The following SLC7A14 variants were observed in gnomAD, a reference collection of about 807,000 sequenced individuals.
The protein encoded by SLC7A14 is solute carrier family 7 member 14, also known as gamma-aminobutyric acid transporter SLC7A14.
A neutral mutation model predicts 60.2 loss-of-function variants in SLC7A14; 37 were observed. The observed-to-expected ratio is 0.61, with a 90% CI of 0.47 to 0.81. The LOEUF (loss-of-function observed/expected upper bound fraction) is 0.81, where lower values mean the gene tolerates loss of function less well. Among genes scored for constraint, SLC7A14 ranks in the 30% least tolerant of loss-of-function variants. SLC7A14 has a pLI of 0.00. For missense variants in SLC7A14, 886 were observed against 982.7 expected, an observed-to-expected ratio of 0.90 and a Z score of 1.32; for synonymous variants, 399 against 395.8, an observed-to-expected ratio of 1.01 and a Z score of -0.10.
rs1348025145 is a variant in SLC7A14, at chr3:170,483,444, G to C, written c.985C>G (p.His329Asp). ...ACGAATTTGGCAGCATAGAACCCAT[G>C]AGCCACAAACATCTCCATGAGTGGG... is the stretch of plus-strand genomic sequence containing the variant. The part of the protein sequence containing the change: ...ESPLMEMFVA[H>D]GFYAAKFVVA... The change falls in exon 6 of 8, where the codon CAT (histidine) becomes GAT (aspartate). Residue 329 changes from histidine (H) to aspartate (D), a missense_variant. Physicochemically the swap from His to Asp is moderately conservative, Grantham distance 81. Transcript: ENST00000231706. 1.2e-5 allele frequency: 19 copies of C among 1,614,100 alleles called. No individual in the cohort carries two copies. The highest frequency in any genetic ancestry group is 1.6e-5 in the Non-Finnish European group (19 of 1,180,058).
At chr3:170,547,244 T>C (rs1038398918) in intron 1 of SLC7A14, among the ~76,000 whole-genome samples, 15 of 152,230 alleles carry the variant, frequency 9.9e-5, no homozygotes, top group African/African-American at 3.4e-4. Context: ...GGTTTTGTTT[T>C]CTTTTATGAA....
At chr3:170,547,671 A>G (rs1043631199) in intron 1 of SLC7A14, among the ~76,000 whole-genome samples, 1 of 152,188 alleles carries the variant, frequency 6.6e-6, no homozygotes, top group Non-Finnish European at 1.5e-5. Flanking sequence ...TCTCAGGGGT[A>G]GCAAAGGTGG....
chr3:170,478,044 T>C (rs1325529893), intron 7 of SLC7A14, among the ~76,000 whole-genome samples: 1 of 152,226 alleles, frequency 6.6e-6, no homozygotes, highest in Non-Finnish European at 1.5e-5. Context: ...AGATAAGAGA[T>C]TGTATTTTTT....
chr3:170,466,870 G>T lies in SLC7A14; in HGVS notation c.*185C>A, dbSNP rs568317003. 2 of 572,844 alleles carry T rather than the reference G, an allele frequency of 3.5e-6. No homozygotes were observed. Among genetic ancestry groups the T allele is most frequent in the East Asian group, 5.8e-5 (2 of 34,300 alleles). 35.5% of individuals were successfully genotyped at this position (572,844 alleles called of 1,614,324 possible). ...ACAAGGCGACCAGTTAGGGGACCCA[G>T]GTTAAGCCCTTCAACAGAACTATCC... On this transcript the variant is annotated 3_prime_UTR_variant, in exon 8 of 8. Transcript: ENST00000231706.
intron 1 of SLC7A14, among the ~76,000 whole-genome samples, chr3:170,537,938 G>A (rs1435134630): frequency 3.0e-5 from 4 of 134,620 alleles, no homozygotes; most frequent in African/African-American, 5.9e-5. Context: ...TATGGTCGTG[G>A]TCCTTCTAAA....
At chr3:170,570,746 C>T (rs1323414913) in intron 1 of SLC7A14, among the ~76,000 whole-genome samples, 1 of 152,084 alleles carries the variant, frequency 6.6e-6, no homozygotes, top group Non-Finnish European at 1.5e-5. Context: ...AGCAGATGCC[C>T]CTATGCCTTC....
chr3:170,559,186 C>T (rs538360220), intron 1 of SLC7A14, among the ~76,000 whole-genome samples: 1 of 152,156 alleles, frequency 6.6e-6, no homozygotes, highest in South Asian at 2.1e-4. Context: ...TTTTCAGAGT[C>T]GTGCCAACTT....
chr3:170,486,420 G>A (rs1489959313), intron 4 of SLC7A14, 52 bp from the exon 5 acceptor site: 14 of 1,612,572 alleles, frequency 8.7e-6, no homozygotes, highest in Non-Finnish European at 1.1e-5. Context: ...TGGCACCTGG[G>A]TCTTAAATGT....
At chr3:170,569,745 G>GT (rs1156660487) in intron 1 of SLC7A14, among the ~76,000 whole-genome samples, 1 of 152,078 alleles carries the variant, frequency 6.6e-6, no homozygotes, top group Non-Finnish European at 1.5e-5. Flanking sequence ...TTGGGAGGGT[G>GT]TATGTGTCCA....
intron 1 of SLC7A14, among the ~76,000 whole-genome samples, chr3:170,527,439 C>T (rs959100841): frequency 3.3e-5 from 5 of 152,144 alleles, no homozygotes; most frequent in Non-Finnish European, 4.4e-5. Context: ...AGATGAGTGA[C>T]GTCCATAAGG....
chr3:170,470,208 T>TC (rs1739848630), intron 7 of SLC7A14, among the ~76,000 whole-genome samples: 2 of 151,938 alleles, frequency 1.3e-5, no homozygotes, highest in South Asian at 4.2e-4. Flanking sequence ...ACACCTCCTC[T>TC]CCCCTCCCCC....
In SLC7A14 at chr3:170,483,356, G is replaced by A. The variant is rs750028108; in HGVS notation, c.1073C>T (p.Pro358Leu). The change falls in exon 6 of 8, where the codon CCG (proline) becomes CTG (leucine). Residue 358 changes from proline to leucine, a missense_variant. By Grantham distance (98) the Pro-to-Leu change is moderately conservative. Transcript: ENST00000231706. The stretch of plus-strand genomic sequence containing the variant: ...ACCAGCCATGGCATAAATGACCCTC[G>A]GCATCGGGAAGAGGGACCCCAGCAA... ...VSLLGSLFPM[P>L]RVIYAMAGDG... The A allele has an allele frequency of 1.8e-5, 29 of 1,613,928 alleles. No individual in the cohort carries two copies. The highest frequency in any genetic ancestry group is 2.2e-5 in the Non-Finnish European group (26 of 1,180,014).
chr3:170,537,305 C>A (rs950290444), intron 1 of SLC7A14, among the ~76,000 whole-genome samples: 5 of 152,122 alleles, frequency 3.3e-5, no homozygotes, highest in African/African-American at 1.2e-4. Flanking sequence ...AACATAGTAT[C>A]TTCTCTCCTC....
chr3:170,493,859 C>G (rs1198212590), intron 4 of SLC7A14, among the ~76,000 whole-genome samples: 1 of 152,214 alleles, frequency 6.6e-6, no homozygotes, highest in Non-Finnish European at 1.5e-5. Flanking sequence ...GCAACATCTT[C>G]ACACTGGGCT....
chr3:170,480,834 G>A lies in SLC7A14; in HGVS notation c.1448C>T (p.Ala483Val). The change falls in exon 7 of 8, where the codon GCC becomes GTC. Residue 483 changes from alanine (A) to valine (V), a missense_variant. Physicochemically the swap from Ala to Val is moderately conservative, Grantham distance 64. Coordinates refer to ENST00000231706, the MANE Select transcript of SLC7A14 (RefSeq NM_020949.3). ...GTCTCCCAAGGATGGTAAGTTCTTGGCCCCACATGTGTTGGTGGCTGGGCC... is the reference window on the plus strand; with the variant it reads ...GTCTCCCAAGGATGGTAAGTTCTTGACCCCACATGTGTTGGTGGCTGGGCC... ...FSGPATNTCG[A>V]KNLPSLGDNE... 1 of 1,614,002 alleles carries A rather than the reference G, an allele frequency of 6.2e-7. No homozygotes were observed. Among genetic ancestry groups the A allele is most frequent in the East Asian group, 2.2e-5 (1 of 44,862 alleles).
In SLC7A14 at chr3:170,460,795, A is replaced by C. The variant is rs1263301549; in HGVS notation, c.*6260T>G. The C allele has an allele frequency of 6.6e-6, 1 of 152,228 alleles. No homozygotes were observed. The highest frequency in any genetic ancestry group is 1.5e-5 in the Non-Finnish European group (1 of 68,038). The allele number at this position is 152,228 out of a possible 1,614,324, so 9.4% of individuals were successfully genotyped here. A position where few individuals can be genotyped will look rare whatever the true frequency, so the allele number is the denominator to read the frequency against. ...TCCTTATGTGTACCAACATGTACTAAATGTCCCAAAGAGTAAGAAATTAGA... is the reference window on the plus strand; with the variant it reads ...TCCTTATGTGTACCAACATGTACTACATGTCCCAAAGAGTAAGAAATTAGA... On this transcript the variant is annotated 3_prime_UTR_variant, in exon 8 of 8. Coordinates refer to ENST00000231706, the MANE Select transcript of SLC7A14 (RefSeq NM_020949.3).
At chr3:170,567,553 T>A (rs1468110758) in intron 1 of SLC7A14, among the ~76,000 whole-genome samples, 2 of 151,544 alleles carry the variant, frequency 1.3e-5, no homozygotes, top group African/African-American at 2.4e-5. Flanking sequence ...CAAATGGTAT[T>A]TCTAGTTCTA....
At chr3:170,486,079 G>A (rs1345961420) in intron 5 of SLC7A14, 143 bp downstream of exon 5, 14 of 1,076,546 alleles carry the variant, frequency 1.3e-5, no homozygotes, top group African/African-American at 1.6e-5. Context: ...TTTTTTTCTT[G>A]TCATGGGGAG....
chr3:170,490,625 A>T (rs1712186510), intron 4 of SLC7A14, among the ~76,000 whole-genome samples: 1 of 152,208 alleles, frequency 6.6e-6, no homozygotes, highest in Non-Finnish European at 1.5e-5. Flanking sequence ...GTTGGAGTCA[A>T]TGTGATGTCC....
Sources: gnomAD v4.1 joint callset for allele counts (sites outside exome capture counted in the v4.1 genomes callset) on GRCh38, gnomAD v4.1.1 for gene constraint, MANE v1.5 for transcripts, NCBI Gene and HGNC (gene_info 2026-07-23, HGNC 2026-07-21) for gene names.